Variants in SMIM19 observed in about 807,000 individuals in gnomAD.
The protein encoded by SMIM19 is small integral membrane protein 19.
A neutral mutation model predicts 13.2 loss-of-function variants in SMIM19; 6 were observed. The observed-to-expected ratio is 0.45, with a 90% confidence interval of 0.25 to 0.90. The LOEUF is 0.90. Ranked by LOEUF, SMIM19 falls within the 40% of genes least tolerant of loss-of-function variation. SMIM19 has a pLI of 0.19. For synonymous variants in SMIM19, 46 were observed against 43.1 expected (o/e 1.07, Z -0.27); for missense variants, 138 against 131.0 (o/e 1.05, Z -0.26).
intron 3 of SMIM19, among the ~76,000 whole-genome samples, chr8:42,549,137 G>C (rs1436921347): frequency 6.6e-6 from 1 of 152,124 alleles, no homozygotes; most frequent in East Asian, 1.9e-4. Context: ...ATTCTGGCCG[G>C]GAGTGGTGGC....
chr8:42,552,417 C>T, intron 3 of SMIM19, 127 bp from the exon 4 acceptor site: 1 of 976,798 alleles, frequency 1.0e-6, no homozygotes, highest in Non-Finnish European at 1.4e-6. Context: ...GACTCTATCT[C>T]TGAAACAAAC....
In SMIM19 at chr8:42,548,677, G is replaced by A; in HGVS notation, c.156G>A (p.Arg52=). The A allele has an allele frequency of 1.2e-6, 2 of 1,613,790 alleles. No individual in the cohort carries two copies. Among genetic ancestry groups the A allele is most frequent in the Non-Finnish European group, 1.7e-6 (2 of 1,179,900 alleles). ...TTAGGAACAAAAGGAGAATTATGAG[G>A]ATATTCAGTGTGCCACCTACAGAGG... ...YAKRNKRRIM[R]IFSVPPTEET... Residue 52 remains arginine, a synonymous_variant, in exon 3 of 4, where the codon AGG becomes AGA. Coordinates refer to ENST00000417410, the MANE Select transcript of SMIM19 (RefSeq NM_001135674.2).
rs1464927863 is a variant in SMIM19, at chr8:42,554,360, A to T, written c.*1752A>T. On this transcript the variant is annotated 3_prime_UTR_variant, in exon 4 of 4. Coordinates refer to ENST00000417410, the MANE Select transcript of SMIM19 (RefSeq NM_001135674.2). The stretch of plus-strand genomic sequence containing the variant: ...ACAAGTGAATTTAATCAGCAGTAGG[A>T]GTGGTTTACTCGTCACTGACATGTG... The T allele has an allele frequency of 2.0e-5, 3 of 152,148 alleles. No homozygotes were observed. The highest frequency in any genetic ancestry group is 7.2e-5 in the African/African-American group (3 of 41,462). The allele number at this position is 152,148 out of a possible 1,614,324, so 9.4% of individuals were successfully genotyped here. A position where few individuals can be genotyped will look rare whatever the true frequency, so the allele number is the denominator to read the frequency against.
chr8:42,550,752 A>G (rs1282995397), intron 3 of SMIM19, among the ~76,000 whole-genome samples: 1 of 152,148 alleles, frequency 6.6e-6, no homozygotes, highest in African/African-American at 2.4e-5. Flanking sequence ...GGCACAGATT[A>G]TGGGTTAAGA....
Position 42,541,631 on chromosome 8 carries a change from C to G in SMIM19, c.-747C>G, listed in dbSNP as rs1228854718. 1 of 149,936 alleles carries G rather than the reference C, an allele frequency of 6.7e-6. No homozygotes were observed. Among genetic ancestry groups the G allele is most frequent in the Non-Finnish European group, 1.5e-5 (1 of 67,320 alleles). 9.3% of individuals were successfully genotyped at this position (149,936 alleles called of 1,614,324 possible). ...CCGCTCGGTAACCGTTTCCCGCGCGCCCGGCCCCGACTCCGGGGTAAAGAG... is the reference window on the plus strand; with the variant it reads ...CCGCTCGGTAACCGTTTCCCGCGCGGCCGGCCCCGACTCCGGGGTAAAGAG... On this transcript the variant is annotated 5_prime_UTR_variant, in exon 1 of 4. Transcript: ENST00000417410.
intron 2 of SMIM19, among the ~76,000 whole-genome samples, chr8:42,547,840 T>G (rs1177962480): frequency 6.6e-6 from 1 of 152,048 alleles, no homozygotes; most frequent in Non-Finnish European, 1.5e-5. Context: ...AAGGGGGAGG[T>G]GCAGGGATGC....
chr8:42,548,559 T>A, intron 2 of SMIM19, 97 bp from the exon 3 acceptor site: 1 of 1,494,344 alleles, frequency 6.7e-7, no homozygotes, highest in South Asian at 1.1e-5. Context: ...GTCATTTAAG[T>A]CCTTTTACCA....
chr8:42,549,304 C>T (rs960997380), intron 3 of SMIM19, among the ~76,000 whole-genome samples: 1 of 151,834 alleles, frequency 6.6e-6, no homozygotes, highest in African/African-American at 2.4e-5. Flanking sequence ...CCCAGCTACT[C>T]GGGAGGCAGA....
rs1813780059 is a variant in SMIM19 at position 42,555,080 on chromosome 8, A to G, written c.*2472A>G. The G allele has an allele frequency of 6.6e-6, 1 of 152,250 alleles. No homozygotes were observed. The allele number at this position is 152,250 out of a possible 1,614,324, so 9.4% of individuals were successfully genotyped here. On this transcript the variant is annotated 3_prime_UTR_variant, in exon 4 of 4. Transcript: ENST00000417410. Reference sequence around the variant, plus strand: ...ATGGTAAAACTGCTGTACAATCAGAAGTATTTTAAGTATGCATTAGAAGTA... The same window carrying G: ...ATGGTAAAACTGCTGTACAATCAGAGGTATTTTAAGTATGCATTAGAAGTA...
chr8:42,549,149 C>A (rs756689536), intron 3 of SMIM19, among the ~76,000 whole-genome samples: 3 of 152,160 alleles, frequency 2.0e-5, no homozygotes, highest in African/African-American at 7.2e-5. Context: ...AGTGGTGGCT[C>A]ACACCTACAA....
In SMIM19 at chr8:42,546,541, T is replaced by C; in HGVS notation, c.69T>C (p.Asn23=). 1 of 1,614,268 alleles carries C rather than the reference T, an allele frequency of 6.2e-7. No homozygotes were observed. Among genetic ancestry groups the C allele is most frequent in the Non-Finnish European group, 8.5e-7 (1 of 1,180,050 alleles). The stretch of plus-strand genomic sequence containing the variant: ...ATTATACTGTTCACGAAGCCTGGAA[T>C]GAAGCCACCAATGTTTACTTGATAG... ...SIDYTVHEAW[N]EATNVYLIVI... The change falls in exon 2 of 4, where the codon AAT becomes AAC. Residue 23 remains asparagine (N), a synonymous_variant. Coordinates refer to ENST00000417410, the MANE Select transcript of SMIM19 (RefSeq NM_001135674.2).
At chr8:42,546,969 A>G (rs7829248) in intron 2 of SMIM19, among the ~76,000 whole-genome samples, 12,710 of 151,904 alleles carry the variant, frequency 0.084, 1,168 homozygotes, top group African/African-American at 0.22. Flanking sequence ...CCGCCTCAGA[A>G]AAAAAAAGAA....
intron 2 of SMIM19, 69 bp from the exon 3 acceptor site, chr8:42,548,587 G>A: frequency 2.5e-6 from 4 of 1,587,554 alleles, no homozygotes. Flanking sequence ...TGATGACCAG[G>A]ATCATGAGCA....
intron 3 of SMIM19, 115 bp downstream of exon 3, chr8:42,548,895 TTCTTTCAGATGTTTAATATG>T: frequency 7.2e-6 from 8 of 1,103,558 alleles, no homozygotes; most frequent in Admixed American, 2.9e-5. Flanking sequence ...AACTTAGTAC[TTCTTTCAGATGTTTAATATG>T]TTTTTCAGAT....
intron 1 of SMIM19, among the ~76,000 whole-genome samples, chr8:42,543,449 A>C (rs189831168): frequency 9.0e-4 from 137 of 152,326 alleles, no homozygotes; most frequent in Admixed American, 2.3e-3. Flanking sequence ...ACTCAAGTGC[A>C]TGTGCCTGGA....
intron 2 of SMIM19, among the ~76,000 whole-genome samples, chr8:42,546,910 G>T (rs184563185): frequency 1.9e-5 from 2 of 104,058 alleles, no homozygotes; most frequent in African/African-American, 3.7e-5. Flanking sequence ...TTGAACCAGG[G>T]AGTTGGAGGT....
chr8:42,551,269 G>T (rs939160445), intron 3 of SMIM19, among the ~76,000 whole-genome samples: 5 of 145,634 alleles, frequency 3.4e-5, no homozygotes, highest in African/African-American at 7.7e-5. Context: ...AGGGAGCTGA[G>T]ATCACGCCAC....
chr8:42,545,624 A>G (rs2974345), intron 1 of SMIM19, among the ~76,000 whole-genome samples: 2,777 of 152,254 alleles, frequency 0.018, 34 homozygotes, highest in Non-Finnish European at 0.028. Context: ...TCCGTCTCCC[A>G]GGTTCAAGCA....
At chr8:42,546,365 G>A (rs1444895486) in intron 1 of SMIM19, 104 bp from the exon 2 acceptor site, 2 of 1,334,390 alleles carry the variant, frequency 1.5e-6, no homozygotes, top group African/African-American at 1.5e-5. Context: ...ACAAACAGGT[G>A]GTGGACTGGA....
Sources: gnomAD v4.1 joint callset for allele counts (sites outside exome capture counted in the v4.1 genomes callset) on GRCh38, gnomAD v4.1.1 for gene constraint, MANE v1.5 for transcripts, NCBI Gene and HGNC (gene_info 2026-07-23, HGNC 2026-07-21) for gene names.